HMCN2: variants seen among roughly 807,000 people sequenced by gnomAD.
The protein encoded by HMCN2 is hemicentin-2.
In HMCN2, 325 loss-of-function variants were observed where a neutral mutation model predicts 377.5. The observed-to-expected ratio is 0.86, with a 90% CI of 0.79 to 0.94. The LOEUF (loss-of-function observed/expected upper bound fraction) is 0.94, where lower values mean the gene tolerates loss of function less well. HMCN2 is among the 40% of genes least tolerant of loss of function. The pLI is 0.00. For missense variants in HMCN2, 4,543 were observed against 4,725.3 expected, an observed-to-expected ratio of 0.96 and a Z score of 1.13; for synonymous variants, 2,007 against 2,046.8, an observed-to-expected ratio of 0.98 and a Z score of 0.53.
chr9:130,332,655 C>T (rs1838489515), intron 22 of HMCN2, among the ~76,000 whole-genome samples: 1 of 152,258 alleles, frequency 6.6e-6, no homozygotes, highest in Non-Finnish European at 1.5e-5. Flanking sequence ...CAGGCACCTC[C>T]TCCTGAATTT....
Position 130,395,197 on chromosome 9 carries a change from C to A in HMCN2, c.10775-14C>A. 1 of 1,287,072 alleles carries A rather than the reference C, an allele frequency of 7.8e-7. No individual in the cohort carries two copies. Among genetic ancestry groups the A allele is most frequent in the Non-Finnish European group, 1.0e-6 (1 of 987,550 alleles). The allele number at this position is 1,287,072 out of a possible 1,614,324, so 79.7% of individuals were successfully genotyped here. On this transcript the variant is annotated splice_polypyrimidine_tract_variant and intron_variant, in intron 70 of 97. Transcript: ENST00000683500. ...GTCCCCCTCTCATATCCTCTTGTGC[C>A]ACCCCCTTCCCAGCCCCTCCAAACA... is the stretch of plus-strand genomic sequence containing the variant.
At chr9:130,411,849 A>G (rs1047925286) in intron 85 of HMCN2, among the ~76,000 whole-genome samples, 6 of 147,486 alleles carry the variant, frequency 4.1e-5, no homozygotes, top group African/African-American at 1.5e-4. Context: ...CCGGAGTTTC[A>G]GTTTAGCAAG....
At position 130,394,150 on chromosome 9, in the gene HMCN2, T is replaced by C; in HGVS notation, c.10501+142T>C. On this transcript the variant is annotated intron_variant, in intron 68 of 97. Transcript: ENST00000683500. This position sits in a 1 kb window ranked among gnomAD's most constrained non-coding sequence, Gnocchi z 5.1. ...TGGGAGCAGAACTCAGGGAACTTGG[T>C]TCTGGCTGGGATGCCTCTCTCACCT... is the stretch of plus-strand genomic sequence containing the variant. 2 of 869,804 alleles carry C rather than the reference T, an allele frequency of 2.3e-6. No individual in the cohort carries two copies. Among genetic ancestry groups the C allele is most frequent in the Admixed American group, 7.6e-5 (2 of 26,462 alleles). 53.9% of individuals were successfully genotyped at this position (869,804 alleles called of 1,614,324 possible). A position where few individuals can be genotyped will look rare whatever the true frequency, so the allele number is the denominator to read the frequency against.
chr9:130,357,511 T>G (rs1170928125), intron 34 of HMCN2, among the ~76,000 whole-genome samples: 1 of 135,986 alleles, frequency 7.4e-6, no homozygotes, highest in East Asian at 2.3e-4. Context: ...GATGGATTGG[T>G]AGATGATGGA....
At position 130,361,879 on chromosome 9, in the gene HMCN2, C is replaced by T. The variant is rs926535925; in HGVS notation, c.5951-129C>T. On this transcript the variant is annotated intron_variant, in intron 38 of 97. Coordinates refer to ENST00000683500, the MANE Select transcript of HMCN2 (RefSeq NM_001291815.2). The surrounding 1 kb of genome is among the most constrained non-coding windows in gnomAD (Gnocchi z 4.8). ...GGGGGCAGTGGAGTGGCTCAGAGCC[C>T]GTGTCTGGATGGCTGTCCTTGTGCT... 1.7e-5 allele frequency: 8 copies of T among 466,296 alleles called. No homozygotes were observed. Among genetic ancestry groups the T allele is most frequent in the East Asian group, 1.5e-4 (1 of 6,458 alleles). 28.9% of individuals were successfully genotyped at this position (466,296 alleles called of 1,614,324 possible).
At chr9:130,390,948 G>A (rs939383252) in intron 62 of HMCN2, 29 bp from the exon 63 acceptor site, 2 of 986,162 alleles carry the variant, frequency 2.0e-6, no homozygotes, top group Non-Finnish European at 2.4e-6. Context: ...AAGGGGCTGG[G>A]GGATTCAGGG....
Position 130,396,001 on chromosome 9 carries a change from C to T in HMCN2, c.10989C>T (p.Asp3663=). The change falls in exon 72 of 98, where the codon GAC becomes GAT. Residue 3663 remains aspartate (D), a synonymous_variant. Transcript: ENST00000683500. The part of the protein sequence containing the change: ...LQALSTADSG[D]YSCTARNAAG... ...CCCTGAGCACGGCTGACAGCGGCGACTACAGCTGCACAGCCCGCAACGCCG... is the reference window on the plus strand; with the variant it reads ...CCCTGAGCACGGCTGACAGCGGCGATTACAGCTGCACAGCCCGCAACGCCG... 1 of 1,287,610 alleles carries T rather than the reference C, an allele frequency of 7.8e-7. No homozygotes were observed. 79.8% of individuals were successfully genotyped at this position (1,287,610 alleles called of 1,614,324 possible). A position where few individuals can be genotyped will look rare whatever the true frequency, so the allele number is the denominator to read the frequency against.
chr9:130,295,594 C>T (rs1836084305), intron 5 of HMCN2, 72 bp from the exon 6 acceptor site: 2 of 428,694 alleles, frequency 4.7e-6, no homozygotes, highest in Non-Finnish European at 4.8e-6. Flanking sequence ...CTGTGGATTC[C>T]TGGAGACATG....
In HMCN2 at chr9:130,361,823, G is replaced by C. The variant is rs1255051725; in HGVS notation, c.5951-185G>C. ...GTTTCCCATCTATAGAAGCCTCATG[G>C]TGGTGTTGAAAGGATGGAAGTAGCA... On this transcript the variant is annotated intron_variant, in intron 38 of 97. Coordinates refer to ENST00000683500, the MANE Select transcript of HMCN2 (RefSeq NM_001291815.2). The surrounding 1 kb of genome is among the most constrained non-coding windows in gnomAD (Gnocchi z 4.8). Among the ~76,000 whole-genome samples, 1 of 152,208 alleles carries C rather than the reference G, an allele frequency of 6.6e-6. No homozygotes were observed. The highest frequency in any genetic ancestry group is 1.5e-5 in the Non-Finnish European group (1 of 68,038).
Position 130,430,492 on chromosome 9 carries a change from C to T in HMCN2, c.14535C>T (p.Pro4845=), listed in dbSNP as rs112309014. 2.1e-4 allele frequency: 323 copies of T among 1,550,590 alleles called. No individual in the cohort carries two copies. The highest frequency in any genetic ancestry group is 3.4e-4 in the African/African-American group (25 of 73,176). ...GGCTGCGGCCCTGGGCCTCGATCCCCGGTACCTCCTACCACGCCTGGGTCT... is the reference window on the plus strand; with the variant it reads ...GGCTGCGGCCCTGGGCCTCGATCCCTGGTACCTCCTACCACGCCTGGGTCT... ...LPWLRPWASI[P]GTSYHAWVSL... The change falls in exon 95 of 98, where the codon CCC becomes CCT. Residue 4845 remains proline, a synonymous_variant. Transcript: ENST00000683500.
chr9:130,278,543 T>C (rs1834926116), intron 1 of HMCN2, among the ~76,000 whole-genome samples: 1 of 152,208 alleles, frequency 6.6e-6, no homozygotes, highest in Non-Finnish European at 1.5e-5. Flanking sequence ...ATTCATGTCC[T>C]TCCTGGGACT....
At chr9:130,372,686 T>A (rs971500978) in intron 47 of HMCN2, among the ~76,000 whole-genome samples, 3 of 152,208 alleles carry the variant, frequency 2.0e-5, no homozygotes, top group Admixed American at 1.3e-4. Flanking sequence ...GAGGCTGCAG[T>A]GATCGTGCCA....
In HMCN2 at chr9:130,422,335, A is replaced by C. The variant is rs991587146; in HGVS notation, c.13232-242A>C. ...CCAGGTTTTAAGGAATGGCAGAGCC[A>C]GAATTAGAAGCCAGCTCCGCCCTGA... On this transcript the variant is annotated intron_variant, in intron 86 of 97. Transcript: ENST00000683500. This position sits in a 1 kb window ranked among gnomAD's most constrained non-coding sequence, Gnocchi z 4.2. 1.3e-5 allele frequency among the ~76,000 whole-genome samples: 2 copies of C among 152,242 alleles called. No individual in the cohort carries two copies. The highest frequency in any genetic ancestry group is 1.3e-4 in the Admixed American group (2 of 15,288).
Position 130,430,357 on chromosome 9 carries a change from C to G in HMCN2, c.14400C>G (p.Cys4800Trp). ...ACAACCTCCAGGGCAGCTACCGCTG[C>G]CTGTGCCCCCCAGGCCAGACCCTCC... ...QCHNLQGSYR[C>W]LCPPGQTLLR... The change falls in exon 95 of 98, where the codon TGC (cysteine) becomes TGG (tryptophan). Residue 4800 changes from cysteine to tryptophan, a missense_variant. Physicochemically the swap from Cys to Trp is radical, Grantham distance 215. Around this residue, in one of 5 missense-constraint regions of HMCN2, gnomAD observed 1,155 missense variants for 1,157.7 expected, o/e 1.00. Transcript: ENST00000683500. The G allele has an allele frequency of 1.9e-6, 3 of 1,549,300 alleles. No individual in the cohort carries two copies. The highest frequency in any genetic ancestry group is 2.6e-6 in the Non-Finnish European group (3 of 1,146,936).
At chr9:130,352,649 C>A (rs1412862171) in intron 30 of HMCN2, among the ~76,000 whole-genome samples, 1 of 152,142 alleles carries the variant, frequency 6.6e-6, no homozygotes, top group Non-Finnish European at 1.5e-5. Flanking sequence ...AAGTGGCTCA[C>A]CCCTGGTCTT....
intron 14 of HMCN2, among the ~76,000 whole-genome samples, chr9:130,309,653 A>G (rs1837112447): frequency 6.6e-6 from 1 of 152,022 alleles, no homozygotes; most frequent in Admixed American, 6.5e-5. Flanking sequence ...GGGGGTCCAA[A>G]CATGGAGTTC....
intron 1 of HMCN2, among the ~76,000 whole-genome samples, chr9:130,272,966 T>C (rs1189355430): frequency 6.6e-6 from 1 of 152,260 alleles, no homozygotes; most frequent in African/African-American, 2.4e-5. Context: ...TTTTTTCTAC[T>C]GTGATTTTTC....
intron 22 of HMCN2, among the ~76,000 whole-genome samples, chr9:130,328,443 G>T (rs1047030806): frequency 6.6e-6 from 1 of 152,204 alleles, no homozygotes; most frequent in African/African-American, 2.4e-5. Flanking sequence ...AACGGGAACC[G>T]CATTCCCATT....
chr9:130,364,312 C>T (rs1252581882), intron 40 of HMCN2, among the ~76,000 whole-genome samples: 1 of 152,220 alleles, frequency 6.6e-6, no homozygotes. Flanking sequence ...CTGGACCCTG[C>T]GTTCCTTCCT....
Sources: gnomAD v4.1 joint callset for allele counts (sites outside exome capture counted in the v4.1 genomes callset) on GRCh38, gnomAD v4.1.1 for gene constraint, gnomAD v4.1.1 regional missense constraint, Gnocchi (gnomAD v3.1) non-coding constraint, MANE v1.5 for transcripts, NCBI Gene and HGNC (gene_info 2026-07-23, HGNC 2026-07-21) for gene names.